Variants in PICALM observed in about 807,000 individuals in gnomAD.
PICALM encodes phosphatidylinositol binding clathrin assembly protein.
In PICALM, 40 loss-of-function variants were observed where a neutral mutation model predicts 80.5. The observed-to-expected ratio is 0.50, with a 90% CI of 0.39 to 0.65. The LOEUF is 0.65. Among genes scored for constraint, PICALM ranks in the 30% least tolerant of loss-of-function variants. The pLI is 0.00. For synonymous variants in PICALM, 288 were observed against 260.3 expected (o/e 1.11, Z -1.02); for missense variants, 676 against 778.9 (o/e 0.87, Z 1.57).
intron 9 of PICALM, among the ~76,000 whole-genome samples, chr11:86,002,046 T>C (rs2095159632): frequency 6.6e-6 from 1 of 152,168 alleles, no homozygotes; most frequent in Non-Finnish European, 1.5e-5. Flanking sequence ...AAAGGTACAA[T>C]TCAGAAGACA....
chr11:85,984,185 GCAACT>G (rs1194401648), intron 13 of PICALM, among the ~76,000 whole-genome samples: 1 of 152,078 alleles, frequency 6.6e-6, no homozygotes, highest in African/African-American at 2.4e-5. Flanking sequence ...TAACAAATGA[GCAACT>G]CACACTGAAC....
chr11:86,055,833 A>G (rs867964938), intron 1 of PICALM, among the ~76,000 whole-genome samples: 3 of 152,274 alleles, frequency 2.0e-5, no homozygotes, highest in South Asian at 2.1e-4. Context: ...CGAAAGCACA[A>G]TCGAAAAAAT....
intron 1 of PICALM, among the ~76,000 whole-genome samples, chr11:86,048,075 T>C (rs565345528): frequency 1.6e-4 from 25 of 152,116 alleles, no homozygotes; most frequent in African/African-American, 6.0e-4. Context: ...CACTCCAGCC[T>C]GGGCAACAAG....
At chr11:86,025,948 G>T (rs1010968756) in intron 3 of PICALM, among the ~76,000 whole-genome samples, 1 of 152,094 alleles carries the variant, frequency 6.6e-6, no homozygotes, top group Non-Finnish European at 1.5e-5. Flanking sequence ...TACTGGGTAG[G>T]TACTATCACT....
intron 13 of PICALM, among the ~76,000 whole-genome samples, chr11:85,989,009 G>A (rs995750940): frequency 6.6e-6 from 1 of 152,126 alleles, no homozygotes; most frequent in Non-Finnish European, 1.5e-5. Context: ...TTAAGACCAC[G>A]ACTCTCCTTT....
Position 86,031,493 on chromosome 11 carries a change from A to G in PICALM, c.249T>C (p.His83=). The change falls in exon 2 of 20, where the codon CAT becomes CAC. Residue 83 remains histidine (H), a synonymous_variant. Coordinates refer to ENST00000393346, the MANE Select transcript of PICALM (RefSeq NM_007166.4). ...VVVFKSLITT[H]HLMVYGNERF... is the part of the protein sequence containing the mutation. ...CCTCATTTCCATACACCATCAAATG[A>G]TGAGTTGTAATGAGAGATTTGAAGA... 1 of 1,612,440 alleles carries G rather than the reference A, an allele frequency of 6.2e-7. No homozygotes were observed. The highest frequency in any genetic ancestry group is 8.5e-7 in the Non-Finnish European group (1 of 1,179,320).
chr11:85,992,389 A>G (rs1464776382), intron 12 of PICALM, among the ~76,000 whole-genome samples: 1 of 151,742 alleles, frequency 6.6e-6, no homozygotes, highest in African/African-American at 2.4e-5. Flanking sequence ...GGTTCAAGCA[A>G]TTCTCCTGCC....
intron 12 of PICALM, among the ~76,000 whole-genome samples, chr11:85,992,936 C>T (rs2094835887): frequency 6.6e-6 from 1 of 152,190 alleles, no homozygotes; most frequent in South Asian, 2.1e-4. Flanking sequence ...TCCTAATCTA[C>T]TTGACAAAAC....
intron 19 of PICALM, among the ~76,000 whole-genome samples, chr11:85,972,908 T>C (rs2094153948): frequency 6.6e-6 from 1 of 152,140 alleles, no homozygotes. Flanking sequence ...TCTTAAAAGA[T>C]TATCAAGTTA....
In PICALM at chr11:85,978,159, A is replaced by G. The variant is rs2094337482; in HGVS notation, c.1780-1477T>C. On this transcript the variant is annotated intron_variant, in intron 17 of 19. Coordinates refer to ENST00000393346, the MANE Select transcript of PICALM (RefSeq NM_007166.4). ...CTGGATTAGAACAAGTACTTACACA[A>G]CAGAAAATACACAGAGAGCATTTTA... is the stretch of plus-strand genomic sequence containing the variant. The G allele has an allele frequency of 2.3e-6, 3 of 1,305,618 alleles. No homozygotes were observed. The African/African-American group carries it at 4.4e-5, about 19-fold the overall frequency. 80.9% of individuals were successfully genotyped at this position (1,305,618 alleles called of 1,614,324 possible). A position where few individuals can be genotyped will look rare whatever the true frequency, so the allele number is the denominator to read the frequency against.
intron 19 of PICALM, among the ~76,000 whole-genome samples, chr11:85,962,250 T>A (rs1419982748): frequency 6.6e-6 from 1 of 152,146 alleles, no homozygotes; most frequent in Non-Finnish European, 1.5e-5. Flanking sequence ...GCACAACGAT[T>A]TCAAGTAAAG....
intron 12 of PICALM, among the ~76,000 whole-genome samples, chr11:85,992,211 T>G (rs1038007990): frequency 2.6e-5 from 4 of 151,496 alleles, no homozygotes; most frequent in African/African-American, 9.8e-5. Context: ...CACTCTAGCT[T>G]CTTCTTGCAT....
At chr11:86,060,484 C>A (rs1438087618) in intron 1 of PICALM, among the ~76,000 whole-genome samples, 4 of 152,110 alleles carry the variant, frequency 2.6e-5, no homozygotes, top group Non-Finnish European at 4.4e-5. Flanking sequence ...CAATATCACA[C>A]ACACATCACA....
chr11:86,028,353 A>T (rs1385667002), intron 2 of PICALM, among the ~76,000 whole-genome samples: 1 of 152,242 alleles, frequency 6.6e-6, no homozygotes, highest in Non-Finnish European at 1.5e-5. Context: ...GTACATAAGC[A>T]TTTGTTATGC....
At chr11:85,978,054 GT>G in intron 17 of PICALM, 1 of 1,609,152 alleles carries the variant, frequency 6.2e-7, no homozygotes, top group Non-Finnish European at 8.5e-7. Context: ...AAAAAGGCTC[GT>G]TTTTGGTCAC....
At chr11:86,031,123 A>G (rs943691249) in intron 2 of PICALM, among the ~76,000 whole-genome samples, 1 of 152,010 alleles carries the variant, frequency 6.6e-6, no homozygotes, top group Admixed American at 6.6e-5. Context: ...GTCTCAAAAC[A>G]AACAAACAAA....
intron 1 of PICALM, among the ~76,000 whole-genome samples, chr11:86,062,035 A>C (rs1164563518): frequency 6.6e-6 from 1 of 152,240 alleles, no homozygotes; most frequent in East Asian, 1.9e-4. Context: ...GTATGATTCC[A>C]ACTATGACAT....
intron 7 of PICALM, 97 bp from the exon 8 acceptor site, chr11:86,007,680 A>G: frequency 2.5e-6 from 1 of 400,904 alleles, no homozygotes; most frequent in Non-Finnish European, 4.4e-6. Context: ...GTAATATTTT[A>G]AACAGACTTC....
chr11:86,027,938 G>C (rs7115909), intron 2 of PICALM, among the ~76,000 whole-genome samples: 1,737 of 152,174 alleles, frequency 0.011, 38 homozygotes, highest in African/African-American at 0.04. Flanking sequence ...GTTTCAAAAA[G>C]TTATAAAAAT....
Sources: gnomAD v4.1 joint callset for allele counts (sites outside exome capture counted in the v4.1 genomes callset) on GRCh38, gnomAD v4.1.1 for gene constraint, MANE v1.5 for transcripts, NCBI Gene and HGNC (gene_info 2026-07-23, HGNC 2026-07-21) for gene names.